Variants in TPO observed in about 807,000 individuals in gnomAD.
The protein encoded by TPO is thyroid microsomal antigen.
In TPO, 78 loss-of-function variants were observed where a neutral mutation model predicts 96.9. That is an observed-to-expected ratio of 0.81 (90% CI 0.67 to 0.97). The LOEUF is 0.97. Among genes scored for constraint, TPO ranks in the 50% least tolerant of loss-of-function variants. The pLI is 0.00. For synonymous variants in TPO, 547 were observed against 538.0 expected, an observed-to-expected ratio of 1.02 and a Z score of -0.23; for missense variants, 1,252 against 1,274.8, an observed-to-expected ratio of 0.98 and a Z score of 0.27.
At chr2:1,507,465 T>C (rs1488118904) in intron 14 of TPO, among the ~76,000 whole-genome samples, 1 of 152,210 alleles carries the variant, frequency 6.6e-6, no homozygotes, top group East Asian at 1.9e-4. Context: ...ATCTATAAAT[T>C]ACCTTGGGCA....
At position 1,535,902 on chromosome 2, in the gene TPO, C is replaced by G. The variant is rs1199739770; in HGVS notation, c.2619-4692C>G. ...CCTCAAGTCCCCGAATGTGTGCAAC[C>G]CCCCCAAATCCCGTGTGCAACCTCC... On this transcript the variant is annotated intron_variant, in intron 15 of 16. Transcript: ENST00000329066. Among the ~76,000 whole-genome samples the G allele has an allele frequency of 6.6e-5, 3 of 45,598 alleles. 1 individual carries two copies. The highest frequency in any genetic ancestry group is 1.8e-4 in the African/African-American group (3 of 16,656). 29.9% of individuals were successfully genotyped at this position (45,598 alleles called of 152,430 possible).
chr2:1,433,286 C>T, intron 3 of TPO, 152 bp from the exon 4 acceptor site: 2 of 909,340 alleles, frequency 2.2e-6, no homozygotes, highest in South Asian at 3.4e-5. Context: ...ACAGCAACTG[C>T]ACATGTTTTA....
intron 14 of TPO, among the ~76,000 whole-genome samples, chr2:1,512,937 G>A (rs1013191167): frequency 1.3e-5 from 2 of 152,234 alleles, no homozygotes. Context: ...TGCTGGGCAT[G>A]ACCTTTCTGC....
At position 1,420,011 on chromosome 2, in the gene TPO, G is replaced by A. The variant is rs115695998; in HGVS notation, c.95-3034G>A. ...TAACCTAAACAATGAAAACACCACC[G>A]GTTCCAGTAGAGACTTGAGACTATC... On this transcript the variant is annotated intron_variant, in intron 2 of 16. Transcript: ENST00000329066. Among the ~76,000 whole-genome samples the A allele has an allele frequency of 3.5e-3, 534 of 152,264 alleles. 4 individuals carry two copies. Among genetic ancestry groups the A allele is most frequent in the African/African-American group, 0.012 (517 of 41,542 alleles).
chr2:1,531,040 A>AC (rs34043302), intron 15 of TPO, among the ~76,000 whole-genome samples: 2 of 68,042 alleles, frequency 2.9e-5, no homozygotes, highest in Non-Finnish European at 5.4e-5. Context: ...ACTGTGTGCA[A>AC]CCCCCCCAAA....
intron 7 of TPO, among the ~76,000 whole-genome samples, chr2:1,474,119 G>A (rs552086887): frequency 7.9e-5 from 12 of 152,152 alleles, no homozygotes; most frequent in South Asian, 2.1e-4. Context: ...TTCACTGCTC[G>A]AGATAATATT....
intron 5 of TPO, among the ~76,000 whole-genome samples, chr2:1,445,880 C>T (rs1237266223): frequency 1.3e-5 from 2 of 149,850 alleles, no homozygotes; most frequent in African/African-American, 4.9e-5. Context: ...CAGGAGGCAC[C>T]GTGTTGGAAG....
chr2:1,481,111 G>A (rs1670601522), intron 8 of TPO, among the ~76,000 whole-genome samples: 1 of 152,130 alleles, frequency 6.6e-6, no homozygotes, highest in South Asian at 2.1e-4. Flanking sequence ...ACAGGACCCT[G>A]GATCCATAAG....
At chr2:1,466,126 T>C (rs1291920801) in intron 7 of TPO, among the ~76,000 whole-genome samples, 1 of 152,240 alleles carries the variant, frequency 6.6e-6, no homozygotes, top group Non-Finnish European at 1.5e-5. Context: ...TTTGAATGCT[T>C]TTTATGCATC....
At chr2:1,483,202 C>T (rs1670807215) in intron 8 of TPO, among the ~76,000 whole-genome samples, 2 of 152,302 alleles carry the variant, frequency 1.3e-5, no homozygotes, top group African/African-American at 2.4e-5. Flanking sequence ...ATGAAGGGCG[C>T]AGGTTTCCTC....
rs1297312788 is a variant in TPO, at chr2:1,477,398, G to A, written c.1132G>A (p.Glu378Lys). ...ACGCGCGCCTGCGGCCTGTGCGCCC[G>A]AGCCCGGCATCCCCGGAGAGACCCG... ...PPRAPAACAP[E>K]PGIPGETRGP... is the part of the protein sequence containing the mutation. The change falls in exon 8 of 17, where the codon GAG (glutamate) becomes AAG (lysine). Residue 378 changes from glutamate to lysine, a missense_variant. By Grantham distance (56) the Glu-to-Lys change is moderately conservative (BLOSUM62 1). Coordinates refer to ENST00000329066, the MANE Select transcript of TPO (RefSeq NM_001206744.2). 1.3e-6 allele frequency: 2 copies of A among 1,525,426 alleles called. No homozygotes were observed. Among genetic ancestry groups the A allele is most frequent in the South Asian group, 2.4e-5 (2 of 82,424 alleles). The allele number at this position is 1,525,426 out of a possible 1,614,324, so 94.5% of individuals were successfully genotyped here.
intron 1 of TPO, among the ~76,000 whole-genome samples, chr2:1,380,254 C>T (rs1445511092): frequency 2.0e-5 from 3 of 151,712 alleles, no homozygotes; most frequent in Admixed American, 2.0e-4. Flanking sequence ...ATTAGCAGGG[C>T]GTGGTGGCGG....
chr2:1,377,654 G>A lies in TPO; in HGVS notation n.180+3252G>A, dbSNP rs374138997. Among the ~76,000 whole-genome samples the A allele has an allele frequency of 5.9e-5, 9 of 152,308 alleles. No individual in the cohort carries two copies. The East Asian group carries it at 1.5e-3, about 26-fold the overall frequency. ...CTCAGAACCCACCAAATTCATGTCG[G>A]TCTTGTCCTCACAGGTTCTCCTGGC... On this transcript the variant is annotated intron_variant and non_coding_transcript_variant, in intron 1 of 5. Transcript: ENST00000497517.
intron 1 of TPO, among the ~76,000 whole-genome samples, chr2:1,385,807 G>A (rs1261073092): frequency 6.6e-6 from 1 of 152,024 alleles, no homozygotes; most frequent in Admixed American, 6.6e-5. Flanking sequence ...TGTGATGTTA[G>A]GGTGTCAATT....
intron 3 of TPO, among the ~76,000 whole-genome samples, chr2:1,428,207 T>C (rs1171928729): frequency 6.6e-6 from 1 of 152,244 alleles, no homozygotes; most frequent in Non-Finnish European, 1.5e-5. Context: ...TAAAGTAACA[T>C]GCAGCCCTGG....
intron 2 of TPO, among the ~76,000 whole-genome samples, chr2:1,418,655 G>T (rs562338912): frequency 2.6e-5 from 4 of 152,324 alleles, no homozygotes; most frequent in African/African-American, 9.6e-5. Context: ...CAGGCTGAGA[G>T]GCATTCCAGC....
chr2:1,375,637 G>C (rs1271003820), intron 1 of TPO, among the ~76,000 whole-genome samples: 1 of 152,116 alleles, frequency 6.6e-6, no homozygotes, highest in Non-Finnish European at 1.5e-5. Context: ...GAATAAAAGG[G>C]AGGCAGTTTT....
chr2:1,495,831 T>C (rs558491484), intron 11 of TPO, among the ~76,000 whole-genome samples, 158 bp from the exon 12 acceptor site: 2 of 151,866 alleles, frequency 1.3e-5, no homozygotes, highest in Non-Finnish European at 2.9e-5. Flanking sequence ...CTCCTTCAGG[T>C]CCTCAGCGCC....
chr2:1,524,429 C>G (rs1245701990), intron 15 of TPO, among the ~76,000 whole-genome samples: 1 of 115,804 alleles, frequency 8.6e-6, no homozygotes, highest in African/African-American at 3.3e-5. Context: ...TTGTGTGCAA[C>G]CCCCCCAAAT....
Sources: allele counts gnomAD v4.1 joint callset (sites outside exome capture counted in the v4.1 genomes callset), GRCh38; gene constraint gnomAD v4.1.1; transcripts MANE v1.5; gene names NCBI Gene and HGNC (gene_info 2026-07-23, HGNC 2026-07-21).